HERC2: variants seen among roughly 807,000 people sequenced by gnomAD.
The protein encoded by HERC2 is HECT and RLD domain containing E3 ubiquitin protein ligase 2, also known as E3 ubiquitin-protein ligase HERC2.
HERC2 carries 102 observed loss-of-function variants against 537.7 expected under a neutral mutation model. The ratio of observed to expected loss-of-function variants is 0.19; its 90% CI spans 0.16 to 0.22. The LOEUF (loss-of-function observed/expected upper bound fraction) is 0.22, where lower values mean the gene tolerates loss of function less well. HERC2 is among the 10% of genes least tolerant of loss of function. The pLI is 1.00. For synonymous variants in HERC2, 2,224 were observed against 2,466.2 expected (o/e 0.90, Z 2.91); for missense variants, 4,236 against 6,198.2 (o/e 0.68, Z 10.63).
At chr15:28,128,590 A>G (rs1889756286) in intron 83 of HERC2, among the ~76,000 whole-genome samples, 1 of 152,250 alleles carries the variant, frequency 6.6e-6, no homozygotes, top group Admixed American at 6.5e-5. Flanking sequence ...GTGCATGCTT[A>G]TATAATTCAC....
intron 2 of HERC2, among the ~76,000 whole-genome samples, chr15:28,315,429 G>T (rs1243754278): frequency 6.6e-6 from 1 of 152,244 alleles, no homozygotes; most frequent in Non-Finnish European, 1.5e-5. Context: ...GGCGGCTAAG[G>T]AATCTATGGG....
At chr15:28,156,399 A>C (rs560772741) in intron 69 of HERC2, among the ~76,000 whole-genome samples, 10 of 152,246 alleles carry the variant, frequency 6.6e-5, no homozygotes, top group African/African-American at 2.4e-4. Context: ...ATGGAATGTT[A>C]TTCCATTTGT....
Position 28,257,232 on chromosome 15 carries a change from C to A in HERC2, c.2346G>T (p.Trp782Cys), listed in dbSNP as rs763696727. ...CAAAAGGGACACGGAGGCCAATGGA[C>A]CACTCAGAACATGATGACCAAGCAA... ...QSFAWSSCSE[W>C]SIGLRVPFVV... The change falls in exon 17 of 93, where the codon TGG (tryptophan) becomes TGT (cysteine). Residue 782 changes from tryptophan to cysteine, a missense_variant. Physicochemically the swap from Trp to Cys is radical, Grantham distance 215. This residue lies in a region of HERC2 where 754 missense variants were observed against 1,085.0 expected (regional missense o/e 0.69). Coordinates refer to ENST00000261609, the MANE Select transcript of HERC2 (RefSeq NM_004667.6). 5 of 1,613,912 alleles carry A rather than the reference C, an allele frequency of 3.1e-6. No individual in the cohort carries two copies. In the South Asian group the frequency reaches 5.5e-5, roughly 18 times the overall value.
intron 20 of HERC2, among the ~76,000 whole-genome samples, chr15:28,251,727 G>A (rs898318445): frequency 2.6e-5 from 4 of 152,068 alleles, no homozygotes; most frequent in Admixed American, 2.6e-4. Context: ...TTGAAGCCAA[G>A]AGGCAGAGGT....
rs1902063015 is a variant in HERC2, at chr15:28,233,184, A to G, written c.4637T>C (p.Ile1546Thr). The change falls in exon 30 of 93, where the codon ATA (isoleucine) becomes ACA (threonine). Residue 1546 changes from isoleucine (I) to threonine (T), a missense_variant. By Grantham distance (89) the Ile-to-Thr change is moderately conservative. This residue lies in a region of HERC2 where 343 missense variants were observed against 417.2 expected (regional missense o/e 0.82). Transcript: ENST00000261609. ...TCGTTCTCGAATTATCTTTTGAGCT[A>G]TCCTCCTCCAACGGGGCAAAGAACT... ...LLSSLPRWRRIAQKIIRERRK... is the reference protein window; with the variant it reads ...LLSSLPRWRRTAQKIIRERRK... The G allele has an allele frequency of 1.2e-6, 2 of 1,611,850 alleles. No individual in the cohort carries two copies.
Position 28,246,722 on chromosome 15 carries a change from A to T in HERC2, c.3391+20T>A. 6.5e-7 allele frequency: 1 copy of T among 1,543,638 alleles called. No homozygotes were observed. Among genetic ancestry groups the T allele is most frequent in the Non-Finnish European group, 8.7e-7 (1 of 1,147,598 alleles). ...TATCTCCTAAAATAAACATGTACAC[A>T]AGCAGGAAACAAAAGGTACCAGTAA... On this transcript the variant is annotated intron_variant, in intron 22 of 92. Transcript: ENST00000261609.
At position 28,265,516 on chromosome 15, in the gene HERC2, T is replaced by C. The variant is rs1334239273; in HGVS notation, c.1870+102A>G. ...GCCCCACACCCACTGGGCGACAGGG[T>C]GGGTGGCCTCGTGAGGCCCACTGTA... On this transcript the variant is annotated intron_variant, in intron 14 of 92. Coordinates refer to ENST00000261609, the MANE Select transcript of HERC2 (RefSeq NM_004667.6). This position sits in a 1 kb window ranked among gnomAD's most constrained non-coding sequence, Gnocchi z 4.0. The C allele has an allele frequency of 4.5e-6, 4 of 891,814 alleles. No homozygotes were observed. The highest frequency in any genetic ancestry group is 7.2e-6 in the Non-Finnish European group (4 of 556,512). The allele number at this position is 891,814 out of a possible 1,614,324, so 55.2% of individuals were successfully genotyped here.
chr15:28,236,303 C>CTTTTTT (rs3081985), intron 26 of HERC2, among the ~76,000 whole-genome samples: 2 of 151,678 alleles, frequency 1.3e-5, no homozygotes, highest in East Asian at 2.0e-4. Flanking sequence ...TCCGCCTCTC[C>CTTTTTT]TTTTGAGACG....
At position 28,175,777 on chromosome 15, in the gene HERC2, A is replaced by G. The variant is rs902545194; in HGVS notation, c.9687-121T>C. ...CTCAATGACATCACACACAGCACCCAAGGTCTTCAAACTTGTATTCAAAAT... is the reference window on the plus strand; with the variant it reads ...CTCAATGACATCACACACAGCACCCGAGGTCTTCAAACTTGTATTCAAAAT... On this transcript the variant is annotated intron_variant, in intron 63 of 92. Transcript: ENST00000261609. 22 of 934,220 alleles carry G rather than the reference A, an allele frequency of 2.4e-5. No homozygotes were observed. The African/African-American group carries it at 3.4e-4, about 15-fold the overall frequency. 57.9% of individuals were successfully genotyped at this position (934,220 alleles called of 1,614,324 possible).
At chr15:28,270,244 T>TATAG (rs200317563) in intron 10 of HERC2, among the ~76,000 whole-genome samples, 13,464 of 151,232 alleles carry the variant, frequency 0.089, 1,034 homozygotes, top group East Asian at 0.41. Context: ...TTTATTTATT[T>TATAG]ATAGATAGAT....
chr15:28,117,655 G>C (rs1888425181), intron 86 of HERC2: 1 of 415,670 alleles, frequency 2.4e-6, no homozygotes, highest in Non-Finnish European at 4.8e-6. Flanking sequence ...CACAGTGAGT[G>C]AGTGCCTCAG....
chr15:28,195,978 A>T (rs904954048), intron 52 of HERC2, among the ~76,000 whole-genome samples: 9 of 152,212 alleles, frequency 5.9e-5, no homozygotes, highest in African/African-American at 2.2e-4. Flanking sequence ...TTCTTTATGG[A>T]AAAACAAGCA....
chr15:28,147,030 G>C (rs867615272), intron 70 of HERC2, among the ~76,000 whole-genome samples: 2,170 of 139,492 alleles, frequency 0.016, 40 homozygotes, highest in African/African-American at 0.057. Flanking sequence ...ATTCTGGGGG[G>C]GCCGCAGGAG....
Position 28,141,764 on chromosome 15 carries a change from T to C in HERC2, c.11783A>G (p.Glu3928Gly). The C allele has an allele frequency of 6.2e-7, 1 of 1,614,178 alleles. No homozygotes were observed. Among genetic ancestry groups the C allele is most frequent in the Non-Finnish European group, 8.5e-7 (1 of 1,180,012 alleles). ...CCACTGCACAAGTTGTTCGTCTTGCTCTCTTTTAAAAATGTCATGGCTCTC... is the reference window on the plus strand; with the variant it reads ...CCACTGCACAAGTTGTTCGTCTTGCCCTCTTTTAAAAATGTCATGGCTCTC... Reference protein sequence around the residue: ...LHESHDIFKREQDEQLVQWMN... With the variant: ...LHESHDIFKRGQDEQLVQWMN... Residue 3928 changes from glutamate to glycine, a missense_variant, in exon 77 of 93, where the codon GAG becomes GGG. Coordinates refer to ENST00000261609, the MANE Select transcript of HERC2 (RefSeq NM_004667.6).
At chr15:28,301,694 T>G (rs2076628860) in intron 2 of HERC2, among the ~76,000 whole-genome samples, 1 of 142,176 alleles carries the variant, frequency 7.0e-6, no homozygotes, top group African/African-American at 2.6e-5. Context: ...ATCTTTTTTT[T>G]TTTTTAAACT....
chr15:28,154,879 T>C (rs1892828831), intron 69 of HERC2, among the ~76,000 whole-genome samples: 1 of 151,706 alleles, frequency 6.6e-6, no homozygotes, highest in South Asian at 2.1e-4. Flanking sequence ...ACTCATCATT[T>C]ACATTAGGTA....
rs1206393229 is a variant in HERC2 at position 28,274,317 on chromosome 15, G to C, written c.774C>G (p.Thr258=). 6.2e-7 allele frequency: 1 copy of C among 1,614,194 alleles called. No individual in the cohort carries two copies. The highest frequency in any genetic ancestry group is 8.5e-7 in the Non-Finnish European group (1 of 1,180,024). Residue 258 remains threonine, a synonymous_variant, in exon 7 of 93, where the codon ACC becomes ACG. Coordinates refer to ENST00000261609, the MANE Select transcript of HERC2 (RefSeq NM_004667.6). The part of the protein sequence containing the change: ...SVWLEVVERA[T]RFLRSVVTGD... Reference sequence around the variant, plus strand: ...CCGTCACGACGGACCTGAGGAACCTGGTCGCTCTCTCCACCACCTCCAGCC... The same window carrying C: ...CCGTCACGACGGACCTGAGGAACCTCGTCGCTCTCTCCACCACCTCCAGCC...
intron 65 of HERC2, among the ~76,000 whole-genome samples, chr15:28,171,361 T>C (rs1261336417): frequency 6.6e-6 from 1 of 152,196 alleles, no homozygotes; most frequent in Admixed American, 6.5e-5. Flanking sequence ...ATACATATAA[T>C]GTGACATGAA....
At chr15:28,238,283 C>G in intron 24 of HERC2, 66 bp from the exon 25 acceptor site, 1 of 1,170,626 alleles carries the variant, frequency 8.5e-7, no homozygotes, top group Non-Finnish European at 1.3e-6. Context: ...ATAGGAGAAA[C>G]AGTGAATAGG....
Sources: allele counts gnomAD v4.1 joint callset (sites outside exome capture counted in the v4.1 genomes callset), GRCh38; gene constraint gnomAD v4.1.1; regional missense constraint gnomAD v4.1.1; non-coding constraint Gnocchi (gnomAD v3.1); transcripts MANE v1.5; gene names NCBI Gene and HGNC (gene_info 2026-07-23, HGNC 2026-07-21).